The following TMOD1 variants were observed in gnomAD, a reference collection of about 807,000 sequenced individuals.
TMOD1 encodes the protein tropomodulin-1.
Under a neutral mutation model 40.6 loss-of-function variants are expected in TMOD1, and 17 were observed. The ratio of observed to expected loss-of-function variants is 0.42; its 90% CI spans 0.29 to 0.63. The LOEUF (loss-of-function observed/expected upper bound fraction) is 0.63, where lower values mean the gene tolerates loss of function less well. Ranked by LOEUF, TMOD1 falls within the 20% of genes least tolerant of loss-of-function variation. TMOD1 has a pLI of 0.22. For synonymous variants in TMOD1, 181 were observed against 175.0 expected (o/e 1.03, Z -0.27); for missense variants, 391 against 447.6 (o/e 0.87, Z 1.14).
intron 3 of TMOD1, among the ~76,000 whole-genome samples, chr9:97,547,974 G>T (rs1189115076): frequency 1.3e-5 from 2 of 152,156 alleles, no homozygotes; most frequent in African/African-American, 4.8e-5. Flanking sequence ...ATGGATTTGT[G>T]CACTACTTCA....
At chr9:97,514,569 C>T (rs1371094856) in intron 1 of TMOD1, among the ~76,000 whole-genome samples, 2 of 152,200 alleles carry the variant, frequency 1.3e-5, no homozygotes, top group Admixed American at 6.5e-5. Context: ...AGAGCTCCCT[C>T]GCCCCTGGCA....
At chr9:97,599,201 C>T (rs1057221170) in intron 9 of TMOD1, among the ~76,000 whole-genome samples, 4 of 150,690 alleles carry the variant, frequency 2.7e-5, no homozygotes, top group South Asian at 2.1e-4. Context: ...TGGAAACTCT[C>T]GTTTATATAG....
intron 9 of TMOD1, among the ~76,000 whole-genome samples, chr9:97,598,008 T>C (rs572023641): frequency 6.8e-4 from 103 of 152,166 alleles, no homozygotes; most frequent in Middle Eastern, 3.4e-3. Context: ...AGGGAGGCAC[T>C]GGACTGAGGC....
At chr9:97,519,537 A>C (rs905457175) in intron 1 of TMOD1, among the ~76,000 whole-genome samples, 7 of 152,170 alleles carry the variant, frequency 4.6e-5, no homozygotes, top group African/African-American at 1.7e-4. Flanking sequence ...CAGCGGCTTC[A>C]TCACCCCCTT....
intron 8 of TMOD1, among the ~76,000 whole-genome samples, chr9:97,570,575 G>A (rs1830802650): frequency 6.6e-6 from 1 of 151,650 alleles, no homozygotes; most frequent in Non-Finnish European, 1.5e-5. Flanking sequence ...CCACTAGTCT[G>A]CCATAGCTCC....
Position 97,574,341 on chromosome 9 carries a change from C to A in TMOD1, c.870+5304C>A, listed in dbSNP as rs796128011. Among the ~76,000 whole-genome samples, 77 of 152,226 alleles carry A rather than the reference C, an allele frequency of 5.1e-4. 2 individuals carry two copies. The highest frequency in any genetic ancestry group is 1.8e-3 in the African/African-American group (73 of 41,568). ...GCCGGCCGACCCCGCCGGCTCCGGG[C>A]AGTGAGGGGCTTAGCACCTGGGCCA... On this transcript the variant is annotated intron_variant, in intron 8 of 9. Transcript: ENST00000259365.
At chr9:97,584,905 A>C (rs201710997) in intron 8 of TMOD1, among the ~76,000 whole-genome samples, 15,886 of 152,068 alleles carry the variant, frequency 0.1, 914 homozygotes, top group Admixed American at 0.15. Context: ...TGTCTCTGCA[A>C]GTGAGATGGG....
chr9:97,593,466 G>T (rs762644823), intron 9 of TMOD1, among the ~76,000 whole-genome samples: 7 of 152,088 alleles, frequency 4.6e-5, no homozygotes, highest in Non-Finnish European at 1.0e-4. Context: ...TGGGGGTAGG[G>T]GGTCTAGGCA....
At chr9:97,575,536 G>A (rs1029111527) in intron 8 of TMOD1, among the ~76,000 whole-genome samples, 18 of 152,230 alleles carry the variant, frequency 1.2e-4, no homozygotes, top group African/African-American at 4.1e-4. Flanking sequence ...TAAACAGCTG[G>A]GAGATGGAGG....
Position 97,515,754 on chromosome 9 carries a change from G to C in TMOD1, c.-48-8387G>C, listed in dbSNP as rs115606273. The stretch of plus-strand genomic sequence containing the variant: ...CACAGGGGATCCTTAGGGGAAGCAG[G>C]ATGGTTTGGAATCAAGACATTGGTG... On this transcript the variant is annotated intron_variant, in intron 1 of 9. Transcript: ENST00000259365. 9.4e-3 allele frequency among the ~76,000 whole-genome samples: 1,430 copies of C among 152,200 alleles called. 21 individuals carry two copies. Among genetic ancestry groups the C allele is most frequent in the African/African-American group, 0.033 (1,391 of 41,532 alleles).
intron 8 of TMOD1, 86 bp from the exon 9 acceptor site, chr9:97,591,205 T>G: frequency 7.2e-7 from 1 of 1,383,610 alleles, no homozygotes; most frequent in Non-Finnish European, 9.7e-7. Context: ...ACTCAAGAGT[T>G]TCTGCAGGTA....
chr9:97,533,249 T>A (rs781606202), intron 2 of TMOD1, among the ~76,000 whole-genome samples: 1 of 152,240 alleles, frequency 6.6e-6, no homozygotes, highest in Non-Finnish European at 1.5e-5. Context: ...GTGTTTGTTT[T>A]AGCATAAAAA....
At chr9:97,558,965 C>T (rs924946949) in intron 4 of TMOD1, among the ~76,000 whole-genome samples, 1 of 152,214 alleles carries the variant, frequency 6.6e-6, no homozygotes, top group Non-Finnish European at 1.5e-5. Context: ...CTCTTGGTCT[C>T]CCAGCAGTCT....
At chr9:97,505,545 G>A (rs1328349078) in intron 1 of TMOD1, among the ~76,000 whole-genome samples, 2 of 152,130 alleles carry the variant, frequency 1.3e-5, no homozygotes, top group Non-Finnish European at 2.9e-5. Flanking sequence ...TAGACTCATC[G>A]CTGCTGCCCA....
At chr9:97,532,327 C>T (rs548781571) in intron 2 of TMOD1, among the ~76,000 whole-genome samples, 50 of 152,282 alleles carry the variant, frequency 3.3e-4, no homozygotes, top group African/African-American at 1.1e-3. Flanking sequence ...CCTCTCCCAA[C>T]CCCTCCTCTG....
rs560887132 is a variant in TMOD1, at chr9:97,538,717, C to T, written c.121-7468C>T. ...TGTGTAATTAAGATTTTTCTCTAGG[C>T]CAGGTGCGGTGGCTCATGCCTGTAA... On this transcript the variant is annotated intron_variant, in intron 2 of 9. Coordinates refer to ENST00000259365, the MANE Select transcript of TMOD1 (RefSeq NM_003275.4). 4.3e-3 allele frequency among the ~76,000 whole-genome samples: 655 copies of T among 152,226 alleles called. 6 individuals are homozygous for T. The highest frequency in any genetic ancestry group is 0.014 in the African/African-American group (586 of 41,530).
intron 8 of TMOD1, among the ~76,000 whole-genome samples, chr9:97,578,626 G>A (rs1243807062): frequency 1.3e-5 from 2 of 151,150 alleles, no homozygotes; most frequent in Admixed American, 6.6e-5. Flanking sequence ...TGAATAAGCC[G>A]AGGGAGCATG....
rs1277448892 is a variant in TMOD1 at position 97,559,800 on chromosome 9, T to A, written c.398-2932T>A. ...AAAAAAAAAAAAAAAAAAAAATATA[T>A]ATATATATATATATATATATATATG... On this transcript the variant is annotated intron_variant, in intron 4 of 9. Transcript: ENST00000259365. Among the ~76,000 whole-genome samples, 222 of 25,350 alleles carry A rather than the reference T, an allele frequency of 8.8e-3. 1 individual carries two copies. Among genetic ancestry groups the A allele is most frequent in the African/African-American group, 0.028 (184 of 6,666 alleles). The allele number at this position is 25,350 out of a possible 152,430, so 16.6% of individuals were successfully genotyped here.
chr9:97,600,487 G>GTT lies in TMOD1; in HGVS notation c.*790_*791insTT. 1.0e-6 allele frequency: 1 copy of GTT among 985,650 alleles called. No homozygotes were observed. Among genetic ancestry groups the GTT allele is most frequent in the Non-Finnish European group, 1.2e-6 (1 of 830,104 alleles). The allele number at this position is 985,650 out of a possible 1,614,324, so 61.1% of individuals were successfully genotyped here. A position where few individuals can be genotyped will look rare whatever the true frequency, so the allele number is the denominator to read the frequency against. ...ATTGAATGCCAACCTTATGATGGAT[G>GTT]TGAAAATCTACGGCCAAATACTTTT... On this transcript the variant is annotated 3_prime_UTR_variant, in exon 10 of 10. Transcript: ENST00000259365.
Sources: allele counts gnomAD v4.1 joint callset (sites outside exome capture counted in the v4.1 genomes callset), GRCh38; gene constraint gnomAD v4.1.1; transcripts MANE v1.5; gene names NCBI Gene and HGNC (gene_info 2026-07-23, HGNC 2026-07-21).